DMD: variants seen among roughly 807,000 people sequenced by gnomAD.
The protein encoded by DMD is dystrophin, also known as mutant dystrophin.
A neutral mutation model predicts 330.1 loss-of-function variants in DMD; 63 were observed. The observed-to-expected ratio is 0.19, with a 90% CI of 0.16 to 0.24. The LOEUF (loss-of-function observed/expected upper bound fraction) is 0.24, where lower values mean the gene tolerates loss of function less well. Ranked by LOEUF, DMD falls within the 10% of genes least tolerant of loss-of-function variation. DMD has a pLI of 1.00. For synonymous variants in DMD, 1,223 were observed against 959.8 expected, an observed-to-expected ratio of 1.27 and a Z score of -5.07; for missense variants, 3,344 against 2,684.1, an observed-to-expected ratio of 1.25 and a Z score of -5.43.
intron 51 of DMD, among the ~76,000 whole-genome samples, chrX:31,773,131 A>G (rs1483179701): frequency 1.8e-5 from 2 of 112,534 alleles, no homozygotes; most frequent in Non-Finnish European, 3.8e-5. Context: ...TAATACCTAA[A>G]TACCTTCAGC....
At chrX:31,498,826 T>A (rs2070122726) in intron 56 of DMD, among the ~76,000 whole-genome samples, 1 of 112,270 alleles carries the variant, frequency 8.9e-6, no homozygotes, top group Non-Finnish European at 1.9e-5. Context: ...AAGAACTGAA[T>A]CGTGAAATAC....
chrX:31,448,232 C>T (rs894562177), intron 59 of DMD, among the ~76,000 whole-genome samples: 12 of 110,055 alleles, frequency 1.1e-4, no homozygotes, highest in African/African-American at 3.6e-4. Flanking sequence ...GGGCACTCAA[C>T]GCATGAAGGT....
At chrX:33,324,853 C>T (rs2054067874) in intron 1 of DMD, among the ~76,000 whole-genome samples, 1 of 111,684 alleles carries the variant, frequency 9.0e-6, no homozygotes, top group Non-Finnish European at 1.9e-5. Context: ...CTTTAATATA[C>T]AGTTACAGAT....
At chrX:32,652,585 C>T (rs1346906672) in intron 9 of DMD, among the ~76,000 whole-genome samples, 2 of 110,269 alleles carry the variant, frequency 1.8e-5, no homozygotes, top group African/African-American at 6.6e-5. Flanking sequence ...TGAATAGTGC[C>T]GCAATAAACA....
intron 63 of DMD, among the ~76,000 whole-genome samples, chrX:31,256,928 A>G (rs778411519): frequency 2.1e-4 from 23 of 111,109 alleles, no homozygotes; most frequent in Non-Finnish European, 3.0e-4. Context: ...AATCAGTGGA[A>G]AAGGAATGAA....
chrX:32,979,035 A>T (rs2092632412), intron 2 of DMD, among the ~76,000 whole-genome samples: 1 of 112,262 alleles, frequency 8.9e-6, no homozygotes. Flanking sequence ...TGAGCTAAAC[A>T]AAGTCTTTAT....
intron 60 of DMD, among the ~76,000 whole-genome samples, chrX:31,412,333 T>C (rs2733466): frequency 0.5 from 54,813 of 110,260 alleles, 12,097 homozygotes; most frequent in African/African-American, 0.87. Context: ...CCATTTTTTC[T>C]TGTGGCAATA....
intron 44 of DMD, among the ~76,000 whole-genome samples, chrX:32,003,751 G>A (rs1275957089): frequency 1.8e-5 from 2 of 110,659 alleles, no homozygotes; most frequent in Non-Finnish European, 3.8e-5. Flanking sequence ...CCCTAACATA[G>A]TTGATAAAAT....
In DMD at chrX:32,364,568, A is replaced by T. The variant is rs752125309; in HGVS notation, c.5154+14T>A. 186 of 1,208,194 alleles carry T rather than the reference A, an allele frequency of 1.5e-4. 1 individual carries two copies. Among genetic ancestry groups the T allele is most frequent in the Non-Finnish European group, 1.9e-4 (171 of 893,859 alleles). On this transcript the variant is annotated intron_variant, in intron 36 of 78. Transcript: ENST00000357033. Reference sequence around the variant, plus strand: ...GTACAATTTGGACATTACTTTTCATATTTTATTTGCTACCTTAAGCACGTC... The same window carrying T: ...GTACAATTTGGACATTACTTTTCATTTTTTATTTGCTACCTTAAGCACGTC...
chrX:32,491,313 C>G lies in DMD; in HGVS notation c.2586G>C (p.Glu862Asp). The G allele has an allele frequency of 8.3e-7, 1 of 1,211,474 alleles. No individual in the cohort carries two copies. Among genetic ancestry groups the G allele is most frequent in the Admixed American group, 2.2e-5 (1 of 46,003 alleles). The change falls in exon 20 of 79, where the codon GAG becomes GAC. Residue 862 changes from glutamate (E) to aspartate (D), a missense_variant. By Grantham distance (45) the Glu-to-Asp change is conservative. Transcript: ENST00000357033. ...TTAACTGACTTTTAATTGCTGTTGG[C>G]TCTGATGGGGTGGTGGGTTGGATTT... Reference protein sequence around the residue: ...WLKIQPTTPSEPTAIKSQLKI... With the variant: ...WLKIQPTTPSDPTAIKSQLKI...
At chrX:31,846,011 C>T (rs964639093) in intron 48 of DMD, among the ~76,000 whole-genome samples, 1 of 110,380 alleles carries the variant, frequency 9.1e-6, no homozygotes, top group African/African-American at 3.3e-5. Context: ...ATTAGGTATT[C>T]GCCTCCACAG....
chrX:31,207,073 T>C (rs971573259), intron 65 of DMD, among the ~76,000 whole-genome samples: 1 of 111,967 alleles, frequency 8.9e-6, no homozygotes, highest in African/African-American at 3.2e-5. Context: ...ATTACCTACT[T>C]TGGTCATGGA....
At chrX:32,027,206 AAGC>A (rs2095852993) in intron 44 of DMD, among the ~76,000 whole-genome samples, 1 of 103,068 alleles carries the variant, frequency 9.7e-6, no homozygotes, top group African/African-American at 3.6e-5. Flanking sequence ...AGAGAGAGAG[AAGC>A]GGGGGAAGGC....
chrX:31,207,174 C>A (rs779685342), intron 65 of DMD, among the ~76,000 whole-genome samples: 5 of 111,454 alleles, frequency 4.5e-5, no homozygotes, highest in Non-Finnish European at 7.5e-5. Context: ...AAATTAATTA[C>A]TTCAGGCCAC....
At chrX:31,931,747 C>A (rs980777194) in intron 46 of DMD, among the ~76,000 whole-genome samples, 8 of 111,145 alleles carry the variant, frequency 7.2e-5, no homozygotes, top group African/African-American at 2.6e-4. Flanking sequence ...GTGAAGTTCT[C>A]AAGTAAAATC....
intron 44 of DMD, among the ~76,000 whole-genome samples, chrX:32,080,142 A>G (rs953121359): frequency 8.9e-6 from 1 of 112,458 alleles, no homozygotes; most frequent in African/African-American, 3.2e-5. Flanking sequence ...TACAACTTTA[A>G]AAAATGATTC....
intron 1 of DMD, among the ~76,000 whole-genome samples, chrX:33,193,644 T>C (rs771619892): frequency 2.2e-4 from 25 of 112,429 alleles, no homozygotes; most frequent in African/African-American, 7.7e-4. Flanking sequence ...ATGTGAACAA[T>C]TGAAACGCGC....
chrX:31,792,625 T>C (rs979865779), intron 50 of DMD, among the ~76,000 whole-genome samples: 1 of 112,176 alleles, frequency 8.9e-6, no homozygotes, highest in South Asian at 3.7e-4. Context: ...CTGACCCCTT[T>C]GTGGAACTCG....
intron 4 of DMD, among the ~76,000 whole-genome samples, chrX:32,840,258 G>A (rs1441364391): frequency 9.0e-6 from 1 of 111,731 alleles, no homozygotes; most frequent in Non-Finnish European, 1.9e-5. Flanking sequence ...AAAACATTAG[G>A]AGGTTCTATA....
Sources: allele counts gnomAD v4.1 joint callset (sites outside exome capture counted in the v4.1 genomes callset), GRCh38; gene constraint gnomAD v4.1.1; transcripts MANE v1.5; gene names NCBI Gene and HGNC (gene_info 2026-07-23, HGNC 2026-07-21).